The following KHDRBS2 variants were observed in gnomAD, a reference collection of about 807,000 sequenced individuals.
KHDRBS2 encodes KH RNA binding domain containing, signal transduction associated 2, also known as KH domain-containing, RNA-binding, signal transduction-associated protein 2.
In KHDRBS2, 26 loss-of-function variants were observed where a neutral mutation model predicts 44.3. The observed-to-expected ratio is 0.59, with a 90% CI of 0.43 to 0.81. The LOEUF (loss-of-function observed/expected upper bound fraction) is 0.81. KHDRBS2 is among the 40% of genes least tolerant of loss of function. The pLI is 0.00. For synonymous variants in KHDRBS2, 194 were observed against 151.1 expected (o/e 1.28, Z -2.08); for missense variants, 476 against 433.1 (o/e 1.10, Z -0.88).
chr6:61,974,977 TAAATAAA>T (rs1250322585), intron 4 of KHDRBS2, among the ~76,000 whole-genome samples: 3 of 133,932 alleles, frequency 2.2e-5, no homozygotes, highest in Non-Finnish European at 4.7e-5. Context: ...AATAAATAAA[TAAATAAA>T]AGACTACAGT....
At chr6:61,627,436 T>A in the KHDRBS2 span, among the ~76,000 whole-genome samples, 1 of 152,154 alleles carries the variant, frequency 6.6e-6, no homozygotes, top group African/African-American at 2.4e-5. Flanking sequence ...CTAGATAGTT[T>A]ATGCTGATTA....
rs1794798923 is a variant in KHDRBS2 at position 61,848,494 on chromosome 6, T to TATAC, written c.810+46140_810+46141insGTAT. ...TTATATATATATATATATATATGTA[T>TATAC]ATATATATATATATATGTATATATG... On this transcript the variant is annotated intron_variant, in intron 6 of 8. Coordinates refer to ENST00000281156, the MANE Select transcript of KHDRBS2 (RefSeq NM_152688.4). Among the ~76,000 whole-genome samples, 15 of 50,560 alleles carry TATAC rather than the reference T, an allele frequency of 3.0e-4. 1 individual carries two copies. Among genetic ancestry groups the TATAC allele is most frequent in the South Asian group, 7.1e-4 (1 of 1,410 alleles). The allele number at this position is 50,560 out of a possible 152,430, so 33.2% of individuals were successfully genotyped here.
the KHDRBS2 span, among the ~76,000 whole-genome samples, chr6:61,552,756 C>A: frequency 2.6e-5 from 4 of 152,060 alleles, no homozygotes; most frequent in African/African-American, 9.7e-5. Flanking sequence ...ACAAAATAAT[C>A]ATGTGGTTTT....
chr6:62,106,430 C>T (rs1464883856), intron 2 of KHDRBS2, among the ~76,000 whole-genome samples: 3 of 152,058 alleles, frequency 2.0e-5, no homozygotes, highest in Non-Finnish European at 4.4e-5. Context: ...CTTTGTAGGT[C>T]ACTCAGGACT....
At chr6:62,036,158 C>G (rs1785241082) in intron 3 of KHDRBS2, among the ~76,000 whole-genome samples, 1 of 151,778 alleles carries the variant, frequency 6.6e-6, no homozygotes, top group African/African-American at 2.4e-5. Flanking sequence ...GCTGTCAAAT[C>G]AAAGTATGTA....
rs553800287 is a variant in KHDRBS2 at position 61,954,012 on chromosome 6, T to G, written c.483+24054A>C. On this transcript the variant is annotated intron_variant, in intron 4 of 8. Transcript: ENST00000281156. ...TGGTGATACAAACATGACAAGTGAA[T>G]AAACAAGACATCAGGACAATGTTGC... 8.2e-4 allele frequency among the ~76,000 whole-genome samples: 125 copies of G among 152,234 alleles called. 2 individuals carry two copies. Among genetic ancestry groups the G allele is most frequent in the Non-Finnish European group, 1.5e-3 (103 of 67,994 alleles).
the KHDRBS2 span, among the ~76,000 whole-genome samples, chr6:61,566,315 G>A: frequency 6.6e-6 from 1 of 152,152 alleles, no homozygotes; most frequent in Non-Finnish European, 1.5e-5. Context: ...GTGAGAACTA[G>A]TGTTCTGTAG....
At chr6:62,128,054 G>A (rs905186886) in intron 2 of KHDRBS2, among the ~76,000 whole-genome samples, 1 of 152,056 alleles carries the variant, frequency 6.6e-6, no homozygotes, top group East Asian at 1.9e-4. Flanking sequence ...CCCTTTACAT[G>A]ATTCTAATGC....
chr6:61,756,649 C>T (rs1778529929), intron 6 of KHDRBS2, among the ~76,000 whole-genome samples: 1 of 152,178 alleles, frequency 6.6e-6, no homozygotes, highest in Admixed American at 6.5e-5. Flanking sequence ...AGGAAATAAA[C>T]AGCAGTGCAT....
At chr6:61,553,991 A>C in the KHDRBS2 span, among the ~76,000 whole-genome samples, 1 of 151,984 alleles carries the variant, frequency 6.6e-6, no homozygotes, top group African/African-American at 2.4e-5. Flanking sequence ...CTGTGGGTGG[A>C]ATGTTTTGTA....
the KHDRBS2 span, among the ~76,000 whole-genome samples, chr6:61,592,513 C>A: frequency 2.0e-5 from 3 of 152,168 alleles, no homozygotes; most frequent in Non-Finnish European, 2.9e-5. Context: ...GATAAAGGGG[C>A]AGGCCTGAGA....
rs948860110 is a variant in KHDRBS2 at position 61,851,824 on chromosome 6, A to T, written c.810+42811T>A. ...TATTTATATGCTACTGCATCAGTGA[A>T]TTAGAATACAGTGAGAGATAGGTGA... On this transcript the variant is annotated intron_variant, in intron 6 of 8. Coordinates refer to ENST00000281156, the MANE Select transcript of KHDRBS2 (RefSeq NM_152688.4). Among the ~76,000 whole-genome samples, 7 of 152,238 alleles carry T rather than the reference A, an allele frequency of 4.6e-5. No homozygotes were observed. In the East Asian group the frequency reaches 5.8e-4, roughly 13 times the overall value.
At chr6:62,081,390 T>C (rs1321568806) in intron 2 of KHDRBS2, among the ~76,000 whole-genome samples, 3 of 152,170 alleles carry the variant, frequency 2.0e-5, no homozygotes, top group Non-Finnish European at 4.4e-5. Flanking sequence ...AGTGTTTCCC[T>C]AATATTTTTC....
chr6:61,554,561 G>T, the KHDRBS2 span, among the ~76,000 whole-genome samples: 89,826 of 151,858 alleles, frequency 0.59, 26,758 homozygotes, highest in Non-Finnish European at 0.61. Context: ...CATTTTGTTA[G>T]TGGGTTATTA....
intron 6 of KHDRBS2, among the ~76,000 whole-genome samples, chr6:61,829,428 T>G (rs956687160): frequency 6.6e-6 from 1 of 152,148 alleles, no homozygotes; most frequent in Non-Finnish European, 1.5e-5. Context: ...CCTCCCAAAG[T>G]GCTGGGATTA....
chr6:62,218,857 T>C (rs562358152), intron 1 of KHDRBS2, among the ~76,000 whole-genome samples: 4 of 151,980 alleles, frequency 2.6e-5, no homozygotes, highest in African/African-American at 7.2e-5. Flanking sequence ...TAAAATCATG[T>C]CTTTTGCAGT....
the KHDRBS2 span, among the ~76,000 whole-genome samples, chr6:61,579,637 G>T: frequency 6.6e-6 from 1 of 152,150 alleles, no homozygotes; most frequent in Non-Finnish European, 1.5e-5. Context: ...ATTTATATAA[G>T]AAAATGCAAA....
chr6:62,282,146 C>T (rs1204710193), intron 1 of KHDRBS2, among the ~76,000 whole-genome samples: 5 of 152,070 alleles, frequency 3.3e-5, no homozygotes, highest in African/African-American at 7.2e-5. Flanking sequence ...TTAAGAAACA[C>T]GATCTAACTA....
At chr6:61,656,022 T>G in the KHDRBS2 span, among the ~76,000 whole-genome samples, 1 of 152,060 alleles carries the variant, frequency 6.6e-6, no homozygotes, top group Non-Finnish European at 1.5e-5. Flanking sequence ...ATTTCAGATA[T>G]GCAGTATAAA....
Sources: gnomAD v4.1 joint callset for allele counts (sites outside exome capture counted in the v4.1 genomes callset) on GRCh38, gnomAD v4.1.1 for gene constraint, MANE v1.5 for transcripts, NCBI Gene and HGNC (gene_info 2026-07-23, HGNC 2026-07-21) for gene names.